Variants in CYP19A1 observed in about 807,000 individuals in gnomAD.
CYP19A1 encodes the protein aromatase.
In CYP19A1, 32 loss-of-function variants were observed where a neutral mutation model predicts 44.4. The ratio of observed to expected loss-of-function variants is 0.72; its 90% CI spans 0.54 to 0.97. CYP19A1 has a LOEUF of 0.97. Among genes scored for constraint, CYP19A1 ranks in the 50% least tolerant of loss-of-function variants. CYP19A1 has a pLI of 0.00. For synonymous variants in CYP19A1, 212 were observed against 215.6 expected, an observed-to-expected ratio of 0.98 and a Z score of 0.14; for missense variants, 598 against 637.8, an observed-to-expected ratio of 0.94 and a Z score of 0.67.
In CYP19A1 at chr15:51,230,780, G is replaced by A. The variant is rs575143974; in HGVS notation, c.297-2847C>T. Among the ~76,000 whole-genome samples, 433 of 151,992 alleles carry A rather than the reference G, an allele frequency of 2.8e-3. 4 individuals are homozygous for A. Among genetic ancestry groups the A allele is most frequent in the African/African-American group, 0.01 (418 of 41,454 alleles). The stretch of plus-strand genomic sequence containing the variant: ...ATTACAGGCACCCGCCACCACACCC[G>A]GCTAATTTTTTGTGCATTTTTAGTA... On this transcript the variant is annotated intron_variant, in intron 3 of 9. Transcript: ENST00000396402.
chr15:51,243,373 A>G (rs1325359581), intron 1 of CYP19A1, among the ~76,000 whole-genome samples: 2 of 152,208 alleles, frequency 1.3e-5, no homozygotes, highest in Non-Finnish European at 1.5e-5. Flanking sequence ...AATCAATTTC[A>G]AAACAAAAAG....
At chr15:51,316,105 A>G (rs2036421712) in intron 1 of CYP19A1, 2 of 152,316 alleles carry the variant, frequency 1.3e-5, no homozygotes, top group Non-Finnish European at 2.9e-5. Context: ...GCCTCACTGG[A>G]GTTCAGTTTC....
At chr15:51,315,970 A>G (rs1411015427) in intron 1 of CYP19A1, 1 of 152,178 alleles carries the variant, frequency 6.6e-6, no homozygotes, top group Non-Finnish European at 1.5e-5. Context: ...AAGGCTTCCG[A>G]GTGACAGTTA....
At chr15:51,291,116 G>C (rs1042490828) in intron 1 of CYP19A1, among the ~76,000 whole-genome samples, 1 of 152,172 alleles carries the variant, frequency 6.6e-6, no homozygotes, top group Non-Finnish European at 1.5e-5. Flanking sequence ...TAGGTTTGAG[G>C]CAGATCATTA....
At position 51,218,651 on chromosome 15, in the gene CYP19A1, A is replaced by T; in HGVS notation, c.633T>A (p.Ser211Arg). The change falls in exon 6 of 10, where the codon AGT becomes AGA. Residue 211 changes from serine (S) to arginine (R), a missense_variant. Ser to Arg is a moderately radical substitution (Grantham distance 110). Transcript: ENST00000396402. ...TLFLRIPLDE[S>R]AIVVKIQGYF... The stretch of plus-strand genomic sequence containing the variant: ...AACCTTGGATTTTAACCACGATAGC[A>T]CTTTCTGTAGGAAAAAAAAACACAC... 2.5e-6 allele frequency: 4 copies of T among 1,612,056 alleles called. No individual in the cohort carries two copies. The highest frequency in any genetic ancestry group is 3.4e-6 in the Non-Finnish European group (4 of 1,179,058).
chr15:51,302,392 A>G (rs2036133329), intron 1 of CYP19A1, among the ~76,000 whole-genome samples: 1 of 152,202 alleles, frequency 6.6e-6, no homozygotes, highest in Non-Finnish European at 1.5e-5. Context: ...TCACAGACTC[A>G]TAGAATCATG....
intron 1 of CYP19A1, among the ~76,000 whole-genome samples, chr15:51,290,431 C>A (rs923036170): frequency 2.0e-5 from 3 of 152,174 alleles, no homozygotes; most frequent in Non-Finnish European, 2.9e-5. Context: ...CCTAAGTCTT[C>A]AGAAGAGTGA....
chr15:51,280,744 GA>G (rs1034610373), intron 1 of CYP19A1, among the ~76,000 whole-genome samples: 8 of 151,990 alleles, frequency 5.3e-5, no homozygotes, highest in Non-Finnish European at 5.9e-5. Context: ...TTGAACCTTG[GA>G]AAAAAAATTT....
In CYP19A1 at chr15:51,210,041, C is replaced by A. The variant is rs2030776985; in HGVS notation, c.*767G>T. 2 of 197,908 alleles carry A rather than the reference C, an allele frequency of 1.0e-5. No homozygotes were observed. Among genetic ancestry groups the A allele is most frequent in the Admixed American group, 1.1e-4 (2 of 17,898 alleles). The allele number at this position is 197,908 out of a possible 1,614,324, so 12.3% of individuals were successfully genotyped here. On this transcript the variant is annotated 3_prime_UTR_variant, in exon 10 of 10. Transcript: ENST00000396402. ...TTTTTTCTACAGCAGACACAGGGCC[C>A]TAATAATACTTAACCCAGGCTATTA...
At chr15:51,217,334 C>T (rs1595673858) in intron 6 of CYP19A1, among the ~76,000 whole-genome samples, 1 of 152,214 alleles carries the variant, frequency 6.6e-6, no homozygotes. Flanking sequence ...CAAGGCTAAA[C>T]TAATGACTGA....
chr15:51,308,510 C>T (rs1467083755), intron 1 of CYP19A1, among the ~76,000 whole-genome samples: 1 of 152,108 alleles, frequency 6.6e-6, no homozygotes, highest in African/African-American at 2.4e-5. Context: ...GATCTGGCTT[C>T]CCAGTGGGCA....
At chr15:51,288,383 A>G (rs1056049957) in intron 1 of CYP19A1, among the ~76,000 whole-genome samples, 2 of 152,138 alleles carry the variant, frequency 1.3e-5, no homozygotes, top group Non-Finnish European at 2.9e-5. Flanking sequence ...GTTGGCCACT[A>G]GTGTTCCACA....
chr15:51,331,327 T>C (rs999183862), intron 1 of CYP19A1, among the ~76,000 whole-genome samples: 1 of 152,034 alleles, frequency 6.6e-6, no homozygotes, highest in African/African-American at 2.4e-5. Flanking sequence ...TAGACTAGAA[T>C]GAGAGCTTGC....
intron 1 of CYP19A1, among the ~76,000 whole-genome samples, chr15:51,265,870 T>G (rs2034899358): frequency 6.6e-6 from 1 of 152,192 alleles, no homozygotes; most frequent in African/African-American, 2.4e-5. Flanking sequence ...GTTATCTGCC[T>G]GCCCTTTTTA....
intron 1 of CYP19A1, among the ~76,000 whole-genome samples, chr15:51,273,068 TC>T (rs997307669): frequency 2.0e-5 from 3 of 152,118 alleles, no homozygotes; most frequent in African/African-American, 7.2e-5. Flanking sequence ...CAAGCAGTTC[TC>T]CTGCCTCAGC....
At chr15:51,286,708 G>C (rs1343038299) in intron 1 of CYP19A1, among the ~76,000 whole-genome samples, 3 of 152,122 alleles carry the variant, frequency 2.0e-5, no homozygotes, top group African/African-American at 4.8e-5. Context: ...ACCCCACTCA[G>C]GGTTCCCCAG....
At chr15:51,216,560 T>A (rs567173773) in intron 6 of CYP19A1, among the ~76,000 whole-genome samples, 1 of 152,308 alleles carries the variant, frequency 6.6e-6, no homozygotes, top group South Asian at 2.1e-4. Context: ...GCCCCCATAG[T>A]CTGCTTTTAT....
intron 3 of CYP19A1, among the ~76,000 whole-genome samples, chr15:51,233,389 G>A (rs1298790679): frequency 6.6e-6 from 1 of 152,174 alleles, no homozygotes; most frequent in African/African-American, 2.4e-5. Flanking sequence ...TTGACCTAGT[G>A]ACGACATATT....
intron 1 of CYP19A1, among the ~76,000 whole-genome samples, chr15:51,260,021 A>G (rs1347671916): frequency 6.6e-6 from 1 of 152,240 alleles, no homozygotes; most frequent in Non-Finnish European, 1.5e-5. Flanking sequence ...AAAAACAGCA[A>G]AGCTTTATGT....
Sources: gnomAD v4.1 joint callset for allele counts (sites outside exome capture counted in the v4.1 genomes callset) on GRCh38, gnomAD v4.1.1 for gene constraint, MANE v1.5 for transcripts, NCBI Gene and HGNC (gene_info 2026-07-23, HGNC 2026-07-21) for gene names.